Variants in SHISA9 observed in about 807,000 individuals in gnomAD.
SHISA9 encodes the protein shisa family member 9.
In SHISA9, 13 loss-of-function variants were observed where a neutral mutation model predicts 38.0. The observed-to-expected ratio is 0.34, with a 90% confidence interval of 0.22 to 0.54. SHISA9 has a LOEUF of 0.54. SHISA9 is among the 20% of genes least tolerant of loss of function. The probability of loss-of-function intolerance (pLI) is 0.91; values close to 1 mark genes in which losing one functional copy is unlikely to be tolerated. For synonymous variants in SHISA9, 275 were observed against 242.0 expected (o/e 1.14, Z -1.27); for missense variants, 538 against 575.8 (o/e 0.93, Z 0.67).
At chr16:13,223,373 G>A (rs952786813) in intron 4 of SHISA9, among the ~76,000 whole-genome samples, 1 of 152,156 alleles carries the variant, frequency 6.6e-6, no homozygotes, top group African/African-American at 2.4e-5. Flanking sequence ...CAAGTCAGTA[G>A]TGAGCTCTGA....
At chr16:13,322,283 C>T in the SHISA9 span, among the ~76,000 whole-genome samples, 1 of 152,206 alleles carries the variant, frequency 6.6e-6, no homozygotes, top group Non-Finnish European at 1.5e-5. Flanking sequence ...TGAGCACAGA[C>T]TGAACTTCAA....
At chr16:13,184,518 T>C (rs1377256721) in intron 2 of SHISA9, among the ~76,000 whole-genome samples, 2 of 152,222 alleles carry the variant, frequency 1.3e-5, no homozygotes, top group Admixed American at 1.3e-4. Context: ...TTGGGGATGG[T>C]TCTATGAGTT....
intron 2 of SHISA9, among the ~76,000 whole-genome samples, chr16:13,035,796 A>G (rs2073053065): frequency 6.6e-6 from 1 of 152,188 alleles, no homozygotes; most frequent in Admixed American, 6.5e-5. Flanking sequence ...CTTCCATCAT[A>G]AAGATCTGGG....
chr16:13,491,381 C>G, the SHISA9 span, among the ~76,000 whole-genome samples: 2 of 125,174 alleles, frequency 1.6e-5, no homozygotes, highest in East Asian at 2.8e-4. Flanking sequence ...CTTTTCAGAG[C>G]CTTTTTTTTT....
At chr16:13,411,990 T>A in the SHISA9 span, among the ~76,000 whole-genome samples, 1 of 151,666 alleles carries the variant, frequency 6.6e-6, no homozygotes. Flanking sequence ...GTGAAAAAAT[T>A]TTTCAGAGGG....
At chr16:13,506,392 CA>C in the SHISA9 span, among the ~76,000 whole-genome samples, 1 of 152,022 alleles carries the variant, frequency 6.6e-6, no homozygotes, top group Non-Finnish European at 1.5e-5. Context: ...AAGGATGATA[CA>C]GAGGTAATGA....
At position 13,235,331 on chromosome 16, in the gene SHISA9, C is replaced by T. The variant is rs1336609063; in HGVS notation, c.1197C>T (p.Pro399=). 5 of 1,546,930 alleles carry T rather than the reference C, an allele frequency of 3.2e-6. No individual in the cohort carries two copies. The Admixed American group carries it at 7.8e-5, about 24-fold the overall frequency. ...CGGCCGAGACAGGCTCCAGCGACCC[C>T]TTGGGAACTCGCCCCCAGCACTACC... ...LGTAETGSSD[P]LGTRPQHYPP... Residue 399 remains proline (P), a synonymous_variant, in exon 5 of 5, where the codon CCC becomes CCT. Coordinates refer to ENST00000558583, the MANE Select transcript of SHISA9 (RefSeq NM_001145204.3).
chr16:12,970,821 G>T (rs2072071734), intron 2 of SHISA9, among the ~76,000 whole-genome samples: 1 of 151,904 alleles, frequency 6.6e-6, no homozygotes. Context: ...ACCGCGCCTG[G>T]CCGGGGCATA....
chr16:13,017,333 G>T (rs567525261), intron 2 of SHISA9, among the ~76,000 whole-genome samples: 18 of 152,246 alleles, frequency 1.2e-4, no homozygotes, highest in Middle Eastern at 3.4e-3. Context: ...TCTTCTGAAA[G>T]TATGAAATTT....
intron 2 of SHISA9, among the ~76,000 whole-genome samples, chr16:13,105,651 G>A (rs962505651): frequency 6.6e-6 from 1 of 152,198 alleles, no homozygotes; most frequent in Non-Finnish European, 1.5e-5. Context: ...CAGAAAGGGA[G>A]CTGAACTTTC....
chr16:13,318,566 T>C, the SHISA9 span, among the ~76,000 whole-genome samples: 3 of 152,116 alleles, frequency 2.0e-5, no homozygotes, highest in Non-Finnish European at 2.9e-5. Context: ...CCTCAGGTGA[T>C]CTGCCCACCT....
At chr16:13,005,616 A>T (rs1224246551) in intron 2 of SHISA9, among the ~76,000 whole-genome samples, 1 of 152,156 alleles carries the variant, frequency 6.6e-6, no homozygotes, top group Non-Finnish European at 1.5e-5. Flanking sequence ...GACTTTTACC[A>T]GGAAAATCTG....
In SHISA9 at chr16:13,139,554, C is replaced by T. The variant is rs184557804; in HGVS notation, c.692-63840C>T. Among the ~76,000 whole-genome samples, 87 of 151,476 alleles carry T rather than the reference C, an allele frequency of 5.7e-4. 2 individuals carry two copies. Among genetic ancestry groups the T allele is most frequent in the Middle Eastern group, 6.8e-3 (2 of 294 alleles). ...GTAGAACCACTCCCTTAAGGATTTC[C>T]TGTGGAGTGCCAATATGGAAGCCTG... On this transcript the variant is annotated intron_variant, in intron 2 of 4. Coordinates refer to ENST00000558583, the MANE Select transcript of SHISA9 (RefSeq NM_001145204.3).
intron 2 of SHISA9, among the ~76,000 whole-genome samples, chr16:13,193,035 A>C (rs927208517): frequency 6.6e-6 from 1 of 152,192 alleles, no homozygotes; most frequent in African/African-American, 2.4e-5. Flanking sequence ...TGACTGGGAA[A>C]TTTTGCAGGA....
intron 2 of SHISA9, among the ~76,000 whole-genome samples, chr16:13,070,726 A>G (rs1008718638): frequency 2.0e-5 from 3 of 152,188 alleles, no homozygotes; most frequent in African/African-American, 7.2e-5. Context: ...AAACCTATGC[A>G]GTTGGTGTTA....
At chr16:12,935,565 A>T (rs1174686402) in intron 2 of SHISA9, among the ~76,000 whole-genome samples, 1 of 152,126 alleles carries the variant, frequency 6.6e-6, no homozygotes, top group Non-Finnish European at 1.5e-5. Flanking sequence ...TAGAAGGGAC[A>T]GGCCGGGCCC....
the SHISA9 span, among the ~76,000 whole-genome samples, chr16:13,390,281 G>C: frequency 0.036 from 5,412 of 152,164 alleles, 171 homozygotes; most frequent in African/African-American, 0.087. Context: ...AACCAAACCT[G>C]CATTTCATCT....
intron 2 of SHISA9, among the ~76,000 whole-genome samples, chr16:13,007,583 A>G (rs1487410043): frequency 2.0e-5 from 3 of 152,148 alleles, no homozygotes; most frequent in Non-Finnish European, 2.9e-5. Flanking sequence ...AGGGCCTCCC[A>G]TGACCCTAGG....
chr16:13,091,982 T>C (rs1277284643), intron 2 of SHISA9, among the ~76,000 whole-genome samples: 1 of 152,212 alleles, frequency 6.6e-6, no homozygotes, highest in Non-Finnish European at 1.5e-5. Context: ...ACAGATGGGG[T>C]TCTGGTGTAG....
Sources: allele counts gnomAD v4.1 joint callset (sites outside exome capture counted in the v4.1 genomes callset), GRCh38; gene constraint gnomAD v4.1.1; transcripts MANE v1.5; gene names NCBI Gene and HGNC (gene_info 2026-07-23, HGNC 2026-07-21).